Variants in SOBP observed in about 807,000 individuals in gnomAD.
The protein encoded by SOBP is sine oculis binding protein homolog.
In SOBP, 4 loss-of-function variants were observed where a neutral mutation model predicts 53.6. That is an observed-to-expected ratio of 0.07 (90% CI 0.04 to 0.17). SOBP has a LOEUF of 0.17. SOBP is among the 10% of genes least tolerant of loss of function. SOBP has a pLI of 1.00. For missense variants in SOBP, 1,088 were observed against 1,204.7 expected (o/e 0.90, Z 1.43); for synonymous variants, 584 against 522.6 (o/e 1.12, Z -1.60).
intron 4 of SOBP, among the ~76,000 whole-genome samples, chr6:107,542,762 T>A (rs1045890249): frequency 1.3e-5 from 2 of 151,466 alleles, no homozygotes; most frequent in African/African-American, 4.9e-5. Flanking sequence ...TTTTTGTGTG[T>A]TTTGTTTTTT....
chr6:107,574,415 A>C (rs1280930100), intron 4 of SOBP, among the ~76,000 whole-genome samples: 1 of 152,202 alleles, frequency 6.6e-6, no homozygotes, highest in Admixed American at 6.5e-5. Context: ...GTCCTTGAGA[A>C]CATGTCTCAA....
At chr6:107,656,718 C>T (rs1164328588) in intron 6 of SOBP, among the ~76,000 whole-genome samples, 1 of 152,212 alleles carries the variant, frequency 6.6e-6, no homozygotes, top group Non-Finnish European at 1.5e-5. Flanking sequence ...TCCTCTTGCT[C>T]TTGCTAAATT....
intron 2 of SOBP, 28 bp from the exon 3 acceptor site, chr6:107,506,214 C>T (rs2114949176): frequency 1.2e-6 from 2 of 1,601,662 alleles, no homozygotes; most frequent in South Asian, 2.2e-5. Context: ...TCCTTGGTCA[C>T]ATTGAATATG....
chr6:107,569,072 G>A (rs1784997940), intron 4 of SOBP, among the ~76,000 whole-genome samples: 2 of 152,120 alleles, frequency 1.3e-5, no homozygotes, highest in South Asian at 4.1e-4. Context: ...AAGGAAGAGT[G>A]GGAAAAGAAG....
intron 3 of SOBP, 89 bp downstream of exon 3, chr6:107,506,516 C>A: frequency 6.8e-7 from 1 of 1,473,592 alleles, no homozygotes; most frequent in Non-Finnish European, 9.5e-7. Context: ...CTCAAGTTAA[C>A]TTTGGTAGAG....
intron 5 of SOBP, among the ~76,000 whole-genome samples, chr6:107,628,382 G>T (rs1018247097): frequency 1.5e-4 from 23 of 152,142 alleles, no homozygotes; most frequent in Non-Finnish European, 2.8e-4. Flanking sequence ...GGAGCAAGGT[G>T]GGGGCTGGTA....
At chr6:107,497,921 G>A (rs941794130) in intron 1 of SOBP, among the ~76,000 whole-genome samples, 15 of 152,244 alleles carry the variant, frequency 9.9e-5, no homozygotes, top group African/African-American at 3.4e-4. Context: ...AATGCATAGA[G>A]TCAAATTACT....
chr6:107,566,355 CT>C (rs550315955), intron 4 of SOBP, among the ~76,000 whole-genome samples: 1 of 152,340 alleles, frequency 6.6e-6, no homozygotes, highest in East Asian at 1.9e-4. Flanking sequence ...ACTTGAGACT[CT>C]TTTAATCTGT....
intron 3 of SOBP, chr6:107,514,196 G>A (rs575522377): frequency 2.6e-5 from 4 of 152,174 alleles, no homozygotes; most frequent in African/African-American, 9.7e-5. Flanking sequence ...GAACTTAATA[G>A]TACTGTTGGC....
intron 1 of SOBP, among the ~76,000 whole-genome samples, chr6:107,502,148 C>G (rs189528607): frequency 6.6e-6 from 1 of 152,054 alleles, no homozygotes; most frequent in East Asian, 1.9e-4. Context: ...TTTATGCTAC[C>G]CCTGCTGAAA....
At chr6:107,583,305 G>A (rs1785461925) in intron 4 of SOBP, among the ~76,000 whole-genome samples, 1 of 152,050 alleles carries the variant, frequency 6.6e-6, no homozygotes, top group Non-Finnish European at 1.5e-5. Flanking sequence ...GGCTACTAGG[G>A]GAGACAAAAA....
rs563514140 is a variant in SOBP at position 107,619,329 on chromosome 6, AT to A, written c.670-14184del. 2.1e-4 allele frequency among the ~76,000 whole-genome samples: 32 copies of A among 152,394 alleles called. 3 individuals are homozygous for A. The highest frequency in any genetic ancestry group is 7.5e-4 in the African/African-American group (31 of 41,598). On this transcript the variant is annotated intron_variant, in intron 5 of 6. Transcript: ENST00000317357. ...TTTCCTATAGAAGCCTACTTTAAAA[AT>A]AAAAGAGTTCTGTTTTTGAAAAGCT...
intron 5 of SOBP, among the ~76,000 whole-genome samples, chr6:107,610,562 G>T (rs1006603271): frequency 6.6e-6 from 1 of 152,214 alleles, no homozygotes; most frequent in Non-Finnish European, 1.5e-5. Flanking sequence ...ATGCAGAATA[G>T]TTGAATCAGA....
chr6:107,491,698 C>G (rs1453178170), intron 1 of SOBP, among the ~76,000 whole-genome samples: 1 of 152,180 alleles, frequency 6.6e-6, no homozygotes, highest in Admixed American at 6.5e-5. Flanking sequence ...TGCGAGCCAT[C>G]AAAAAGTAGC....
intron 6 of SOBP, among the ~76,000 whole-genome samples, chr6:107,651,864 C>A (rs781717699): frequency 2.7e-4 from 41 of 152,208 alleles, no homozygotes; most frequent in Non-Finnish European, 5.4e-4. Context: ...TGCTTGAGCT[C>A]TGTCAGTGGA....
At chr6:107,528,458 A>G (rs372025475) in intron 3 of SOBP, among the ~76,000 whole-genome samples, 1 of 152,166 alleles carries the variant, frequency 6.6e-6, no homozygotes. Flanking sequence ...ACTGCTTGAG[A>G]TCCACATATT....
chr6:107,502,121 T>C (rs112684373), intron 1 of SOBP, among the ~76,000 whole-genome samples: 1 of 152,176 alleles, frequency 6.6e-6, no homozygotes, highest in Non-Finnish European at 1.5e-5. Context: ...GAGTCAGTAG[T>C]GTAATGTCTT....
At chr6:107,616,046 A>AG (rs1161557335) in intron 5 of SOBP, among the ~76,000 whole-genome samples, 1 of 126,090 alleles carries the variant, frequency 7.9e-6, no homozygotes, top group Non-Finnish European at 1.6e-5. Flanking sequence ...GAAAAAAAAA[A>AG]GAAAAAAAAA....
chr6:107,596,567 G>A lies in SOBP; in HGVS notation c.669+9392G>A, dbSNP rs1785954470. Among the ~76,000 whole-genome samples, 2 of 152,158 alleles carry A rather than the reference G, an allele frequency of 1.3e-5. 1 individual carries two copies. The highest frequency in any genetic ancestry group is 4.1e-4 in the South Asian group (2 of 4,824). ...GCTGATAGATGGCTTGTTCATTCTT[G>A]CAAGTGAAATGTTAAATCAATTAAG... On this transcript the variant is annotated intron_variant, in intron 5 of 6. Coordinates refer to ENST00000317357, the MANE Select transcript of SOBP (RefSeq NM_018013.4).
Sources: gnomAD v4.1 joint callset for allele counts (sites outside exome capture counted in the v4.1 genomes callset) on GRCh38, gnomAD v4.1.1 for gene constraint, MANE v1.5 for transcripts, NCBI Gene and HGNC (gene_info 2026-07-23, HGNC 2026-07-21) for gene names.